PCDHA1: variants seen among roughly 807,000 people sequenced by gnomAD.
PCDHA1 encodes protocadherin alpha 1.
Under a neutral mutation model 61.3 loss-of-function variants are expected in PCDHA1, and 42 were observed. That is an observed-to-expected ratio of 0.69 (90% CI 0.54 to 0.89). The LOEUF (loss-of-function observed/expected upper bound fraction) is 0.89. Ranked by LOEUF, PCDHA1 falls within the 40% of genes least tolerant of loss-of-function variation. The pLI is 0.00. For missense variants in PCDHA1, 1,256 were observed against 1,235.3 expected, an observed-to-expected ratio of 1.02 and a Z score of -0.25; for synonymous variants, 610 against 553.8, an observed-to-expected ratio of 1.10 and a Z score of -1.43.
At chr5:140,881,393 A>T (rs1216651655) in intron 1 of PCDHA1, 1 of 979,528 alleles carries the variant, frequency 1.0e-6, no homozygotes, top group African/African-American at 1.8e-5. Context: ...GGTAAGTTAA[A>T]TTCTATTAAA....
At chr5:140,914,788 T>G (rs2076845575) in intron 1 of PCDHA1, among the ~76,000 whole-genome samples, 1 of 152,192 alleles carries the variant, frequency 6.6e-6, no homozygotes, top group South Asian at 2.1e-4. Context: ...TTATGACCCA[T>G]TATTTTAAAC....
chr5:140,978,890 A>G (rs2096827624), intron 1 of PCDHA1, 59 bp from the exon 2 acceptor site: 1 of 1,612,616 alleles, frequency 6.2e-7, no homozygotes. Context: ...AATTAGCAGC[A>G]TTCCTGGGAG....
chr5:140,861,332 G>A (rs2046864240), intron 1 of PCDHA1: 1 of 247,774 alleles, frequency 4.0e-6, no homozygotes, highest in African/African-American at 2.3e-5. Context: ...CACCATCCTG[G>A]AAGAGGCCAA....
In PCDHA1 at chr5:140,851,034, C is replaced by T. The variant is rs2041932722; in HGVS notation, c.2394+62350C>T. On this transcript the variant is annotated intron_variant, in intron 1 of 3. Coordinates refer to ENST00000504120, the MANE Select transcript of PCDHA1 (RefSeq NM_018900.4). ...TTTTCTGATAAAGTAAACCCCTTAA[C>T]ATTGGAGCCGACTTTGTCTTGACTT... The T allele has an allele frequency of 3.1e-5, 44 of 1,402,710 alleles. 5 individuals are homozygous for T. Among genetic ancestry groups the T allele is most frequent in the Non-Finnish European group, 4.0e-5 (43 of 1,068,930 alleles). 86.9% of individuals were successfully genotyped at this position (1,402,710 alleles called of 1,614,324 possible).
intron 1 of PCDHA1, chr5:140,876,573 C>T (rs2056433061): frequency 6.2e-7 from 1 of 1,614,152 alleles, no homozygotes; most frequent in South Asian, 1.1e-5. Context: ...AGGTGGGTAC[C>T]GTCATTGCCC....
rs782133089 is a variant in PCDHA1, at chr5:140,924,894, C to CA, written c.2395-54044dup. Among the ~76,000 whole-genome samples, 369 of 71,492 alleles carry CA rather than the reference C, an allele frequency of 5.2e-3. 5 individuals carry two copies. The South Asian group carries it at 0.07, about 14-fold the overall frequency. 46.9% of individuals were successfully genotyped at this position (71,492 alleles called of 152,430 possible). ...TGGGTGACAGAGCAAGAACCTGTCT[C>CA]AAAAAAAAAAATAAAATAAAATAAA... is the stretch of plus-strand genomic sequence containing the variant. On this transcript the variant is annotated intron_variant, in intron 1 of 3. Coordinates refer to ENST00000504120, the MANE Select transcript of PCDHA1 (RefSeq NM_018900.4).
At chr5:140,876,672 C>T in intron 1 of PCDHA1, 1 of 1,614,208 alleles carries the variant, frequency 6.2e-7, no homozygotes, top group Non-Finnish European at 8.5e-7. Context: ...TGGTGTCCAC[C>T]TACAAGAATT....
chr5:140,821,549 A>T (rs1212001307), intron 1 of PCDHA1: 2 of 502,492 alleles, frequency 4.0e-6, no homozygotes, highest in African/African-American at 3.9e-5. Flanking sequence ...CCTTTCATCC[A>T]CATGATGTCG....
chr5:140,829,861 G>C (rs2150176439), intron 1 of PCDHA1: 1 of 1,613,956 alleles, frequency 6.2e-7, no homozygotes, highest in Non-Finnish European at 8.5e-7. Context: ...CAGGCCAAGT[G>C]GTGGCGAAGG....
chr5:140,908,287 C>G (rs781987945), intron 1 of PCDHA1, among the ~76,000 whole-genome samples: 1 of 152,136 alleles, frequency 6.6e-6, no homozygotes, highest in African/African-American at 2.4e-5. Flanking sequence ...TTGTTGCAAG[C>G]TGGGGAAGAG....
intron 1 of PCDHA1, among the ~76,000 whole-genome samples, chr5:140,948,147 A>T (rs2094217534): frequency 6.6e-6 from 1 of 151,572 alleles, no homozygotes; most frequent in African/African-American, 2.4e-5. Context: ...TGATTTTTGA[A>T]TGTTGGAAAA....
chr5:140,985,739 CTTTTT>C (rs11372071), intron 3 of PCDHA1, among the ~76,000 whole-genome samples: 1 of 117,916 alleles, frequency 8.5e-6, no homozygotes, highest in Non-Finnish European at 1.7e-5. Context: ...TGATGAATTC[CTTTTT>C]TTTTTTTTTT....
chr5:140,809,381 T>A, intron 1 of PCDHA1: 1 of 1,613,878 alleles, frequency 6.2e-7, no homozygotes, highest in East Asian at 2.2e-5. Flanking sequence ...CGAGGGCGCG[T>A]GCGCTCCGGG....
intron 1 of PCDHA1, chr5:140,828,068 G>C: frequency 6.4e-7 from 1 of 1,561,728 alleles, no homozygotes. Flanking sequence ...TCTTCTAATG[G>C]AAATAAAACC....
chr5:140,925,947 G>A (rs1447488918), intron 1 of PCDHA1, among the ~76,000 whole-genome samples: 1 of 152,066 alleles, frequency 6.6e-6, no homozygotes, highest in Non-Finnish European at 1.5e-5. Flanking sequence ...CTTGGAGAAG[G>A]AGAAACTGCT....
chr5:140,804,291 T>C (rs1278574440), intron 1 of PCDHA1: 4 of 152,150 alleles, frequency 2.6e-5, no homozygotes, highest in Non-Finnish European at 4.4e-5. Flanking sequence ...TTGTTCATCT[T>C]TAGTTTATCA....
intron 1 of PCDHA1, chr5:140,856,875 T>C (rs782182859): frequency 1.3e-6 from 2 of 1,595,778 alleles, no homozygotes; most frequent in Non-Finnish European, 1.7e-6. Flanking sequence ...AACAAGGAAA[T>C]GATGTATTCA....
At chr5:140,941,624 T>A (rs2093131699) in intron 1 of PCDHA1, among the ~76,000 whole-genome samples, 1 of 151,964 alleles carries the variant, frequency 6.6e-6, no homozygotes, top group Non-Finnish European at 1.5e-5. Flanking sequence ...CCATCCTGCT[T>A]CTTAATTTCT....
chr5:140,876,827 C>A, intron 1 of PCDHA1: 3 of 1,614,182 alleles, frequency 1.9e-6, no homozygotes, highest in South Asian at 1.1e-5. Context: ...AACGACAATG[C>A]GCCTGCGTTC....
Sources: gnomAD v4.1 joint callset for allele counts (sites outside exome capture counted in the v4.1 genomes callset) on GRCh38, gnomAD v4.1.1 for gene constraint, MANE v1.5 for transcripts, NCBI Gene and HGNC (gene_info 2026-07-23, HGNC 2026-07-21) for gene names.